RAP1GAP: variants seen among roughly 807,000 people sequenced by gnomAD.
RAP1GAP encodes RAP1 GTPase activating protein, also known as rap1 GTPase-activating protein 1.
Under a neutral mutation model 87.2 loss-of-function variants are expected in RAP1GAP, and 35 were observed. That is an observed-to-expected ratio of 0.40 (90% CI 0.31 to 0.53). The LOEUF (loss-of-function observed/expected upper bound fraction) is 0.53, where lower values mean the gene tolerates loss of function less well. Ranked by LOEUF, RAP1GAP falls within the 20% of genes least tolerant of loss-of-function variation. RAP1GAP has a pLI of 0.48. For synonymous variants in RAP1GAP, 375 were observed against 363.9 expected (o/e 1.03, Z -0.35); for missense variants, 734 against 898.9 (o/e 0.82, Z 2.35).
At chr1:21,621,616 C>A (rs2087669031) in intron 3 of RAP1GAP, among the ~76,000 whole-genome samples, 1 of 152,212 alleles carries the variant, frequency 6.6e-6, no homozygotes, top group Non-Finnish European at 1.5e-5. Context: ...ACTGCAGAAA[C>A]CACAGACACA....
At chr1:21,606,558 AC>A (rs200212258) in intron 17 of RAP1GAP, among the ~76,000 whole-genome samples, 3 of 152,288 alleles carry the variant, frequency 2.0e-5, no homozygotes, top group Middle Eastern at 3.4e-3. Context: ...ACTGCAGAAG[AC>A]ACTGGGTCAT....
intron 1 of RAP1GAP, among the ~76,000 whole-genome samples, chr1:21,652,702 T>G (rs943315268): frequency 1.3e-5 from 2 of 152,122 alleles, no homozygotes; most frequent in Admixed American, 6.5e-5. Context: ...CAAGTCGCTC[T>G]TCTGCACCCA....
chr1:21,658,537 T>C lies in RAP1GAP; in HGVS notation c.-148-8741A>G, dbSNP rs372550150. Among the ~76,000 whole-genome samples the C allele has an allele frequency of 7.2e-5, 11 of 151,802 alleles. 1 individual carries two copies. Among genetic ancestry groups the C allele is most frequent in the African/African-American group, 2.4e-4 (10 of 41,366 alleles). On this transcript the variant is annotated intron_variant, in intron 1 of 24. Coordinates refer to ENST00000374765, the MANE Select transcript of RAP1GAP (RefSeq NM_002885.4). ...GAGCTAAGATCACAGCACTACACTC[T>C]AGCCTGGAGTTTTTGAGACTCTGTC...
At chr1:21,620,670 G>T (rs1029826335) in intron 3 of RAP1GAP, among the ~76,000 whole-genome samples, 1 of 152,146 alleles carries the variant, frequency 6.6e-6, no homozygotes, top group Non-Finnish European at 1.5e-5. Context: ...CCTCTCCAGC[G>T]CCAACTCCCT....
Position 21,598,478 on chromosome 1 carries a change from G to A in RAP1GAP, c.1801C>T (p.Pro601Ser), listed in dbSNP as rs762106725. The A allele has an allele frequency of 2.6e-5, 42 of 1,613,630 alleles. No individual in the cohort carries two copies. Among genetic ancestry groups the A allele is most frequent in the Non-Finnish European group, 3.2e-5 (38 of 1,179,788 alleles). ...GLESVSSSGT[P>S]HKRDSFIYST... Reference sequence around the variant, plus strand: ...TAGATGAAGGAGTCCCGCTTGTGGGGTGTTCCTGAGGATGACACGCTCTCC... The same window carrying A: ...TAGATGAAGGAGTCCCGCTTGTGGGATGTTCCTGAGGATGACACGCTCTCC... The change falls in exon 22 of 25, where the codon CCC (proline) becomes TCC (serine). Residue 601 changes from proline (P) to serine (S), a missense_variant. Transcript: ENST00000374765.
intron 1 of RAP1GAP, chr1:21,651,283 CTAGAGTCCCTTTA>C: frequency 2.5e-6 from 1 of 397,674 alleles, no homozygotes; most frequent in Non-Finnish European, 5.1e-6. Context: ...CTAAGGGCTT[CTAGAGTCCCTTTA>C]TCCAGAGCGT....
At chr1:21,647,421 A>C (rs10159452) in intron 2 of RAP1GAP, among the ~76,000 whole-genome samples, 29,060 of 152,130 alleles carry the variant, frequency 0.19, 2,897 homozygotes, top group Admixed American at 0.27. Flanking sequence ...CCGAGACTGC[A>C]CAACTACACT....
At chr1:21,625,579 A>G (rs747028752) in intron 3 of RAP1GAP, among the ~76,000 whole-genome samples, 1 of 152,200 alleles carries the variant, frequency 6.6e-6, no homozygotes, top group Non-Finnish European at 1.5e-5. Flanking sequence ...CATCTGCAAA[A>G]TGGGACTGAT....
At chr1:21,605,707 C>T (rs963888257) in intron 18 of RAP1GAP, among the ~76,000 whole-genome samples, 3 of 152,244 alleles carry the variant, frequency 2.0e-5, no homozygotes, top group Non-Finnish European at 4.4e-5. Flanking sequence ...AGTAGGTGCC[C>T]ACACAGCAGC....
In RAP1GAP at chr1:21,624,845, T is replaced by TCG. The variant is rs59969419; in HGVS notation, c.-19+1458_-19+1459insCG. 2.3e-3 allele frequency among the ~76,000 whole-genome samples: 15 copies of TCG among 6,476 alleles called. No individual in the cohort carries two copies. In the East Asian group the frequency reaches 0.36, roughly 156 times the overall value. The allele number at this position is 6,476 out of a possible 152,430, so 4.2% of individuals were successfully genotyped here. Reference sequence around the variant, plus strand: ...CGCAGGGCCCAGGGCTATGGGCTGCTCTCTCTCTCTCTCGTCTCCTGATGG... The same window carrying TCG: ...CGCAGGGCCCAGGGCTATGGGCTGCTCGCTCTCTCTCTCTCGTCTCCTGATGG... On this transcript the variant is annotated intron_variant, in intron 3 of 24. Transcript: ENST00000374765.
At position 21,603,529 on chromosome 1, in the gene RAP1GAP, T is replaced by C. The variant is rs1269517822; in HGVS notation, c.1429-616A>G. On this transcript the variant is annotated intron_variant, in intron 18 of 24. Transcript: ENST00000374765. This position sits in a 1 kb window ranked among gnomAD's most constrained non-coding sequence, Gnocchi z 6.0. The stretch of plus-strand genomic sequence containing the variant: ...GATGGCGCTCCATGCAGACCGGCGA[T>C]ATTGGGGGACGTGCGGCTGGGTGTA... The C allele has an allele frequency of 3.3e-6, 2 of 603,956 alleles. No individual in the cohort carries two copies. Among genetic ancestry groups the C allele is most frequent in the Non-Finnish European group, 5.9e-6 (2 of 336,530 alleles). 37.4% of individuals were successfully genotyped at this position (603,956 alleles called of 1,614,324 possible). A position where few individuals can be genotyped will look rare whatever the true frequency, so the allele number is the denominator to read the frequency against.
At position 21,603,661 on chromosome 1, in the gene RAP1GAP, GC is replaced by G; in HGVS notation, c.1429-749del. ...GCACTGGCTCTGGCACAGGTACCAG[GC>G]CCCAAAGCAGGTGCTGAGTGCCATC... On this transcript the variant is annotated intron_variant, in intron 18 of 24. Transcript: ENST00000374765. This position sits in a 1 kb window ranked among gnomAD's most constrained non-coding sequence, Gnocchi z 6.0. The G allele has an allele frequency of 1.3e-6, 1 of 783,312 alleles. No homozygotes were observed. Among genetic ancestry groups the G allele is most frequent in the Non-Finnish European group, 2.3e-6 (1 of 438,582 alleles). 48.5% of individuals were successfully genotyped at this position (783,312 alleles called of 1,614,324 possible).
At position 21,660,345 on chromosome 1, in the gene RAP1GAP, A is replaced by ATATATATATATATATATATATATT; in HGVS notation, c.-149+8908_-149+8909insAATATATATATATATATATATATA. Among the ~76,000 whole-genome samples the ATATATATATATATATATATATATT allele has an allele frequency of 4.5e-4, 42 of 92,622 alleles. 5 individuals carry two copies. The highest frequency in any genetic ancestry group is 1.3e-3 in the African/African-American group (35 of 26,062). 60.8% of individuals were successfully genotyped at this position (92,622 alleles called of 152,430 possible). A position where few individuals can be genotyped will look rare whatever the true frequency, so the allele number is the denominator to read the frequency against. On this transcript the variant is annotated intron_variant, in intron 1 of 24. Transcript: ENST00000374765. ...AGAGTGGGTTCCAACTCAGCTATATATATTTATTGAGACAGTCTCGCTCTG... is the reference window on the plus strand; with the variant it reads ...AGAGTGGGTTCCAACTCAGCTATATATATATATATATATATATATATATTTATTTATTGAGACAGTCTCGCTCTG...
In RAP1GAP at chr1:21,634,046, A is replaced by G. The variant is rs1571063034; in HGVS notation, c.-112-7649T>C. On this transcript the variant is annotated intron_variant, in intron 2 of 24. Transcript: ENST00000374765. This position sits in a 1 kb window ranked among gnomAD's most constrained non-coding sequence, Gnocchi z 4.1. ...ACCAGAACCAAGTGGCTGCCCCAGAACTGCCCCCTCCCGGGGGGGGGGGGG... is the reference window on the plus strand; with the variant it reads ...ACCAGAACCAAGTGGCTGCCCCAGAGCTGCCCCCTCCCGGGGGGGGGGGGG... Among the ~76,000 whole-genome samples, 1 of 92,822 alleles carries G rather than the reference A, an allele frequency of 1.1e-5. No individual in the cohort carries two copies. The highest frequency in any genetic ancestry group is 2.2e-5 in the Non-Finnish European group (1 of 45,156). 60.9% of individuals were successfully genotyped at this position (92,822 alleles called of 152,430 possible).
At chr1:21,643,285 T>A (rs1317835277) in intron 2 of RAP1GAP, among the ~76,000 whole-genome samples, 1 of 151,852 alleles carries the variant, frequency 6.6e-6, no homozygotes, top group African/African-American at 2.4e-5. Flanking sequence ...CGAGGCTGGG[T>A]GTGGTGGCTC....
chr1:21,625,849 T>G (rs2091780642), intron 3 of RAP1GAP, among the ~76,000 whole-genome samples: 1 of 152,140 alleles, frequency 6.6e-6, no homozygotes, highest in Non-Finnish European at 1.5e-5. Context: ...ACGTTTGATT[T>G]TAACGATAAT....
At chr1:21,614,110 C>CA (rs770464865) in intron 7 of RAP1GAP, 21 bp from the exon 8 acceptor site, 18 of 1,525,626 alleles carry the variant, frequency 1.2e-5, no homozygotes, top group Admixed American at 1.8e-5. Flanking sequence ...AGGTGGGGGC[C>CA]AGGGGAGTGG....
At chr1:21,660,339 C>CTATTTATATATATATATATA (rs563814821) in intron 1 of RAP1GAP, among the ~76,000 whole-genome samples, 2,611 of 52,616 alleles carry the variant, frequency 0.05, 299 homozygotes, top group African/African-American at 0.14. Context: ...TCCAACTCAG[C>CTATTTATATATATATATATA]TATATATATT....
intron 4 of RAP1GAP, among the ~76,000 whole-genome samples, chr1:21,619,404 GGA>G (rs1487136712): frequency 1.3e-5 from 2 of 151,966 alleles, no homozygotes; most frequent in Non-Finnish European, 2.9e-5. Context: ...ATGTGTTGAG[GGA>G]GAGAGGGGGA....
Sources: gnomAD v4.1 joint callset for allele counts (sites outside exome capture counted in the v4.1 genomes callset) on GRCh38, gnomAD v4.1.1 for gene constraint, Gnocchi (gnomAD v3.1) non-coding constraint, MANE v1.5 for transcripts, NCBI Gene and HGNC (gene_info 2026-07-23, HGNC 2026-07-21) for gene names.